The following KDM4C variants were observed in gnomAD, a reference collection of about 807,000 sequenced individuals.
The protein encoded by KDM4C is lysine-specific demethylase 4C.
KDM4C carries 81 observed loss-of-function variants against 129.3 expected under a neutral mutation model. The ratio of observed to expected loss-of-function variants is 0.63; its 90% CI spans 0.52 to 0.75. The LOEUF (loss-of-function observed/expected upper bound fraction) is 0.75, where lower values mean the gene tolerates loss of function less well. Among genes scored for constraint, KDM4C ranks in the 30% least tolerant of loss-of-function variants. KDM4C has a pLI of 0.00. For missense variants in KDM4C, 1,457 were observed against 1,304.0 expected, an observed-to-expected ratio of 1.12 and a Z score of -1.81; for synonymous variants, 573 against 456.1, an observed-to-expected ratio of 1.26 and a Z score of -3.26.
intron 4 of KDM4C, among the ~76,000 whole-genome samples, chr9:6,820,175 C>G (rs1832779644): frequency 6.6e-6 from 1 of 152,022 alleles, no homozygotes; most frequent in Non-Finnish European, 1.5e-5. Flanking sequence ...CTCTTTGCAG[C>G]CTGCGGGAGA....
chr9:6,831,284 G>A (rs1834772462), intron 4 of KDM4C, among the ~76,000 whole-genome samples: 1 of 152,050 alleles, frequency 6.6e-6, no homozygotes, highest in Non-Finnish European at 1.5e-5. Context: ...AGTAGCCTGG[G>A]GCCAGTGTGT....
intron 17 of KDM4C, among the ~76,000 whole-genome samples, chr9:7,083,158 G>T (rs568109405): frequency 1.3e-5 from 2 of 152,252 alleles, no homozygotes; most frequent in Non-Finnish European, 1.5e-5. Flanking sequence ...ACACATTGAG[G>T]TTGAGTATCT....
At chr9:6,825,146 C>CAAAAA (rs776343731) in intron 4 of KDM4C, among the ~76,000 whole-genome samples, 4 of 79,918 alleles carry the variant, frequency 5.0e-5, no homozygotes, top group African/African-American at 9.0e-5. Flanking sequence ...AACTCGGTCT[C>CAAAAA]AAAAAAAAAA....
At chr9:6,929,212 A>G (rs1397483515) in intron 8 of KDM4C, among the ~76,000 whole-genome samples, 1 of 152,162 alleles carries the variant, frequency 6.6e-6, no homozygotes, top group Non-Finnish European at 1.5e-5. Flanking sequence ...GTATTTGCTT[A>G]TGTCTAATAT....
At chr9:6,857,865 C>A (rs1489081069) in intron 5 of KDM4C, among the ~76,000 whole-genome samples, 1 of 151,410 alleles carries the variant, frequency 6.6e-6, no homozygotes, top group Admixed American at 6.6e-5. Flanking sequence ...AGCGATCCTC[C>A]CACCTCAGCC....
At chr9:6,995,472 A>G (rs1279339036) in intron 12 of KDM4C, among the ~76,000 whole-genome samples, 1 of 152,222 alleles carries the variant, frequency 6.6e-6, no homozygotes, top group Admixed American at 6.5e-5. Context: ...AAGCATGGTC[A>G]TGGTGTAGCA....
rs1842911864 is a variant in KDM4C at position 6,872,276 on chromosome 9, A to G, written c.630-7736A>G. On this transcript the variant is annotated intron_variant, in intron 5 of 21. Coordinates refer to ENST00000381309, the MANE Select transcript of KDM4C (RefSeq NM_015061.6). ...TTGGAGTGATACTGCTGGGAGATAG[A>G]CACAAGGTTTTGAGGTGGTAGAGTG... is the stretch of plus-strand genomic sequence containing the variant. Among the ~76,000 whole-genome samples, 4 of 152,212 alleles carry G rather than the reference A, an allele frequency of 2.6e-5. No individual in the cohort carries two copies. The South Asian group carries it at 8.3e-4, about 32-fold the overall frequency.
At chr9:6,939,984 T>A (rs145186435) in intron 8 of KDM4C, among the ~76,000 whole-genome samples, 16,479 of 96,334 alleles carry the variant, frequency 0.17, 1,359 homozygotes, top group Non-Finnish European at 0.21. Context: ...CTACCTTCCT[T>A]CCTTCCTTCC....
intron 21 of KDM4C, among the ~76,000 whole-genome samples, chr9:7,174,207 G>C (rs1845231923): frequency 6.6e-6 from 1 of 152,222 alleles, no homozygotes; most frequent in Admixed American, 6.5e-5. Context: ...AAGCTAAGTA[G>C]GAGTAAAGGT....
chr9:7,104,980 C>T (rs575846415), intron 18 of KDM4C, among the ~76,000 whole-genome samples: 1 of 145,238 alleles, frequency 6.9e-6, no homozygotes, highest in Admixed American at 6.8e-5. Context: ...AAAATGATGT[C>T]ACCAACTGTC....
intron 8 of KDM4C, among the ~76,000 whole-genome samples, chr9:6,951,658 G>T (rs1828165951): frequency 6.6e-6 from 1 of 152,048 alleles, no homozygotes; most frequent in Non-Finnish European, 1.5e-5. Flanking sequence ...AATTACCCAT[G>T]GTATACAGTT....
At chr9:6,979,960 G>A (rs1816481382) in intron 8 of KDM4C, among the ~76,000 whole-genome samples, 1 of 152,148 alleles carries the variant, frequency 6.6e-6, no homozygotes, top group African/African-American at 2.4e-5. Flanking sequence ...ATGGCCATTA[G>A]GATGAGAACT....
At chr9:6,854,300 G>T (rs62535683) in intron 5 of KDM4C, among the ~76,000 whole-genome samples, 1 of 151,798 alleles carries the variant, frequency 6.6e-6, no homozygotes, top group African/African-American at 2.4e-5. Context: ...AGGCCGAGGC[G>T]GGCGGATCAC....
intron 2 of KDM4C, among the ~76,000 whole-genome samples, chr9:6,801,665 A>C (rs1333915176): frequency 6.6e-6 from 1 of 151,014 alleles, no homozygotes; most frequent in Non-Finnish European, 1.5e-5. Flanking sequence ...CTCTCTGTAT[A>C]TGCCTCCATA....
chr9:7,049,161 A>C lies in KDM4C; in HGVS notation c.2385A>C (p.Gln795His). ...TCACTAATGTCCCAGAAAGGACACA[A>C]ATAGATGTAGGCAGAATACCTTTAC... ...VRFTNVPERT[Q>H]IDVGRIPLQR... Residue 795 changes from glutamine to histidine, a missense_variant, in exon 17 of 22, where the codon CAA (glutamine) becomes CAC (histidine). By Grantham distance (24) the Gln-to-His change is conservative. Coordinates refer to ENST00000381309, the MANE Select transcript of KDM4C (RefSeq NM_015061.6). 1 of 1,611,884 alleles carries C rather than the reference A, an allele frequency of 6.2e-7. No homozygotes were observed. Among genetic ancestry groups the C allele is most frequent in the African/African-American group, 1.3e-5 (1 of 74,908 alleles).
intron 18 of KDM4C, among the ~76,000 whole-genome samples, chr9:7,127,073 A>T (rs1007973417): frequency 6.6e-6 from 1 of 152,114 alleles, no homozygotes; most frequent in African/African-American, 2.4e-5. Flanking sequence ...GGATGGATGG[A>T]TGGGTGCAGG....
chr9:6,903,690 T>G (rs1321219646), intron 8 of KDM4C, among the ~76,000 whole-genome samples: 2 of 152,170 alleles, frequency 1.3e-5, no homozygotes, highest in African/African-American at 4.8e-5. Context: ...TTTTAAAAAT[T>G]TTACAGAAAA....
In KDM4C at chr9:7,011,688, C is replaced by G; in HGVS notation, c.1787-10C>G. Reference sequence around the variant, plus strand: ...CATGCTCATGGTATTTTCCTGCCTTCTCCCTTAAGAATTGCCTGAGGTTCT... The same window carrying G: ...CATGCTCATGGTATTTTCCTGCCTTGTCCCTTAAGAATTGCCTGAGGTTCT... On this transcript the variant is annotated splice_polypyrimidine_tract_variant and intron_variant, in intron 12 of 21. Coordinates refer to ENST00000381309, the MANE Select transcript of KDM4C (RefSeq NM_015061.6). 1.9e-6 allele frequency: 3 copies of G among 1,613,472 alleles called. No homozygotes were observed. The highest frequency in any genetic ancestry group is 2.5e-6 in the Non-Finnish European group (3 of 1,179,458).
At chr9:6,895,428 C>G (rs1056121810) in intron 8 of KDM4C, among the ~76,000 whole-genome samples, 4 of 152,222 alleles carry the variant, frequency 2.6e-5, no homozygotes, top group Non-Finnish European at 5.9e-5. Flanking sequence ...AAGCCTCTCT[C>G]TAGTCCTCCT....
Sources: gnomAD v4.1 joint callset for allele counts (sites outside exome capture counted in the v4.1 genomes callset) on GRCh38, gnomAD v4.1.1 for gene constraint, MANE v1.5 for transcripts, NCBI Gene and HGNC (gene_info 2026-07-23, HGNC 2026-07-21) for gene names.